SRSF4: variants seen among roughly 807,000 people sequenced by gnomAD.
The protein encoded by SRSF4 is serine/arginine-rich splicing factor 4.
SRSF4 carries 12 observed loss-of-function variants against 48.8 expected under a neutral mutation model. The ratio of observed to expected loss-of-function variants is 0.25; its 90% confidence interval spans 0.16 to 0.40. The LOEUF is 0.40. SRSF4 is among the 10% of genes least tolerant of loss of function. The pLI, the probability that SRSF4 is intolerant of heterozygous loss-of-function variation, is 1.00. For synonymous variants in SRSF4, 248 were observed against 232.5 expected, an observed-to-expected ratio of 1.07 and a Z score of -0.61; for missense variants, 466 against 667.1, an observed-to-expected ratio of 0.70 and a Z score of 3.32.
chr1:29,181,797 A>AGGCGGCGGCGGGCAAAGCGAGAGCACGGC lies in SRSF4; in HGVS notation c.-74_-46dup. The AGGCGGCGGCGGGCAAAGCGAGAGCACGGC allele has an allele frequency of 1.3e-6, 2 of 1,498,532 alleles. No individual in the cohort carries two copies. The highest frequency in any genetic ancestry group is 1.8e-6 in the Non-Finnish European group (2 of 1,123,840). 92.8% of individuals were successfully genotyped at this position (1,498,532 alleles called of 1,614,324 possible). ...GCTGGCCCCGGCCCCAGCCCCCCTT[A>AGGCGGCGGCGGGCAAAGCGAGAGCACGGC]GGCGGCGGCGGGCAAAGCGAGAGCA... On this transcript the variant is annotated 5_prime_UTR_variant, in exon 1 of 6. Transcript: ENST00000373795.
At chr1:29,177,417 G>A (rs1672886267) in intron 1 of SRSF4, among the ~76,000 whole-genome samples, 1 of 152,004 alleles carries the variant, frequency 6.6e-6, no homozygotes, top group African/African-American at 2.4e-5. Context: ...GAGTAGCCAG[G>A]ATTACAGGCA....
At chr1:29,153,937 C>T (rs985579015) in intron 4 of SRSF4, among the ~76,000 whole-genome samples, 1 of 151,880 alleles carries the variant, frequency 6.6e-6, no homozygotes, top group Non-Finnish European at 1.5e-5. Flanking sequence ...CTCCCTGTCG[C>T]CCAGGCTGGA....
At chr1:29,149,258 AT>A (rs1672364888) in intron 5 of SRSF4, 32 bp from the exon 6 acceptor site, 5 of 1,595,400 alleles carry the variant, frequency 3.1e-6, no homozygotes, top group Non-Finnish European at 4.2e-6. Flanking sequence ...TTTGTGTCAC[AT>A]GTGACTTCAT....
intron 4 of SRSF4, among the ~76,000 whole-genome samples, chr1:29,151,763 G>A (rs1158180776): frequency 6.6e-6 from 1 of 152,154 alleles, no homozygotes; most frequent in Non-Finnish European, 1.5e-5. Context: ...CTCATTCTTG[G>A]AGACACATGC....
intron 1 of SRSF4, chr1:29,173,262 C>T (rs1293951933): frequency 2.7e-5 from 4 of 149,520 alleles, no homozygotes; most frequent in African/African-American, 9.8e-5. Flanking sequence ...TTCAACCTCC[C>T]AAGTAGCTGG....
intron 4 of SRSF4, 181 bp downstream of exon 4, chr1:29,154,515 T>C (rs1258648951): frequency 1.6e-6 from 1 of 640,702 alleles, no homozygotes; most frequent in Non-Finnish European, 2.6e-6. Context: ...GGACTTCTAT[T>C]TGTACTCATG....
At chr1:29,175,197 G>C (rs1412771624) in intron 1 of SRSF4, among the ~76,000 whole-genome samples, 1 of 151,560 alleles carries the variant, frequency 6.6e-6, no homozygotes, top group Non-Finnish European at 1.5e-5. Context: ...AGATCACTTT[G>C]AGGTCAGGAG....
intron 1 of SRSF4, chr1:29,169,751 G>A (rs1441590113): frequency 2.0e-5 from 3 of 152,104 alleles, no homozygotes; most frequent in Non-Finnish European, 2.9e-5. Flanking sequence ...AGTCCACATT[G>A]CAGATAACAG....
chr1:29,152,922 CA>C (rs35153002), intron 4 of SRSF4, among the ~76,000 whole-genome samples: 187 of 141,344 alleles, frequency 1.3e-3, no homozygotes, highest in African/African-American at 4.0e-3. Flanking sequence ...AACTCCGTCT[CA>C]AAAAAAAAAA....
rs893407516 is a variant in SRSF4, at chr1:29,181,866, A to G, written c.-114T>C. On this transcript the variant is annotated 5_prime_UTR_variant, in exon 1 of 6. Coordinates refer to ENST00000373795, the MANE Select transcript of SRSF4 (RefSeq NM_005626.5). ...CGGCAACGGGCGGGCGGCGGGACGGACGCAGCCGAACCCCGGCGACGTACG... is the reference window on the plus strand; with the variant it reads ...CGGCAACGGGCGGGCGGCGGGACGGGCGCAGCCGAACCCCGGCGACGTACG... The G allele has an allele frequency of 1.3e-6, 1 of 795,846 alleles. No individual in the cohort carries two copies. Among genetic ancestry groups the G allele is most frequent in the Non-Finnish European group, 1.8e-6 (1 of 567,146 alleles). The allele number at this position is 795,846 out of a possible 1,614,324, so 49.3% of individuals were successfully genotyped here. A position where few individuals can be genotyped will look rare whatever the true frequency, so the allele number is the denominator to read the frequency against.
intron 4 of SRSF4, among the ~76,000 whole-genome samples, chr1:29,154,100 C>G (rs1672459026): frequency 6.6e-6 from 1 of 152,086 alleles, no homozygotes; most frequent in African/African-American, 2.4e-5. Context: ...GTTGCCCAGG[C>G]TGGAGTGCAA....
chr1:29,158,796 C>A (rs567579947), intron 3 of SRSF4, among the ~76,000 whole-genome samples: 129 of 152,288 alleles, frequency 8.5e-4, no homozygotes, highest in African/African-American at 2.6e-3. Context: ...TGTGCCTCTG[C>A]ACTCCAGCCT....
In SRSF4 at chr1:29,148,597, T is replaced by C. The variant is rs759758533; in HGVS notation, c.1298A>G (p.Asn433Ser). ...SQREGRGESE[N>S]AGTNQETRSR... ...CCGGGTCTCCTGATTGGTGCCAGCA[T>C]TCTCACTCTCTCCTCGACCTTCCCT... Residue 433 changes from asparagine (N) to serine (S), a missense_variant, in exon 6 of 6, where the codon AAT (asparagine) becomes AGT (serine). By Grantham distance (46) the Asn-to-Ser change is conservative. This residue lies in a region of SRSF4 where 402 missense variants were observed against 437.0 expected (regional missense o/e 0.92). Coordinates refer to ENST00000373795, the MANE Select transcript of SRSF4 (RefSeq NM_005626.5). 1 of 1,614,060 alleles carries C rather than the reference T, an allele frequency of 6.2e-7. No homozygotes were observed. The highest frequency in any genetic ancestry group is 1.7e-5 in the Admixed American group (1 of 60,006).
At chr1:29,168,326 C>T (rs1039629483) in intron 1 of SRSF4, among the ~76,000 whole-genome samples, 6 of 152,084 alleles carry the variant, frequency 3.9e-5, no homozygotes, top group East Asian at 1.9e-4. Flanking sequence ...CCACCATGCC[C>T]GGCCTTCTAC....
chr1:29,149,709 A>T (rs1223087593), intron 5 of SRSF4, among the ~76,000 whole-genome samples: 1 of 150,448 alleles, frequency 6.6e-6, no homozygotes, highest in Non-Finnish European at 1.5e-5. Flanking sequence ...AAAAAAAGAA[A>T]AAGAAGCTGG....
intron 5 of SRSF4, 111 bp downstream of exon 5, chr1:29,149,992 G>T: frequency 1.2e-6 from 1 of 865,160 alleles, no homozygotes; most frequent in Non-Finnish European, 1.9e-6. Flanking sequence ...TGTACCACTG[G>T]ACTCCAGCTT....
chr1:29,150,777 A>T (rs1202750777), intron 4 of SRSF4, among the ~76,000 whole-genome samples: 2 of 152,048 alleles, frequency 1.3e-5, no homozygotes, highest in Non-Finnish European at 2.9e-5. Flanking sequence ...GGTTCCTCGT[A>T]ACAGAAATCA....
At chr1:29,178,161 A>G (rs1256538671) in intron 1 of SRSF4, among the ~76,000 whole-genome samples, 1 of 152,012 alleles carries the variant, frequency 6.6e-6, no homozygotes, top group Admixed American at 6.6e-5. Flanking sequence ...CGGCCTCCCA[A>G]GGTGATGGGA....
chr1:29,153,170 C>T (rs1672441012), intron 4 of SRSF4, among the ~76,000 whole-genome samples: 2 of 152,074 alleles, frequency 1.3e-5, no homozygotes, highest in South Asian at 2.1e-4. Flanking sequence ...CTCTTTCTGT[C>T]GCCCAGGCTG....
Sources: allele counts gnomAD v4.1 joint callset (sites outside exome capture counted in the v4.1 genomes callset), GRCh38; gene constraint gnomAD v4.1.1; regional missense constraint gnomAD v4.1.1; transcripts MANE v1.5; gene names NCBI Gene and HGNC (gene_info 2026-07-23, HGNC 2026-07-21).